TAF1B: variants seen among roughly 807,000 people sequenced by gnomAD.
TAF1B encodes the protein TATA box-binding protein-associated factor RNA polymerase I subunit B.
A neutral mutation model predicts 83.9 loss-of-function variants in TAF1B; 61 were observed. The observed-to-expected ratio is 0.73, with a 90% confidence interval of 0.59 to 0.90. The LOEUF (loss-of-function observed/expected upper bound fraction) is 0.90, where lower values mean the gene tolerates loss of function less well. TAF1B is among the 40% of genes least tolerant of loss of function. TAF1B has a pLI of 0.00. For missense variants in TAF1B, 625 were observed against 677.0 expected, an observed-to-expected ratio of 0.92 and a Z score of 0.85; for synonymous variants, 221 against 224.6, an observed-to-expected ratio of 0.98 and a Z score of 0.14.
intron 2 of TAF1B, chr2:9,846,244 GATTGTCAT>G: frequency 2.5e-6 from 1 of 401,170 alleles, no homozygotes; most frequent in East Asian, 7.1e-5. Flanking sequence ...TTAAAGTAGA[GATTGTCAT>G]ATTGTCCTGT....
In TAF1B at chr2:9,882,756, C is replaced by T. The variant is rs1473646307; in HGVS notation, c.758C>T (p.Pro253Leu). 3 of 1,611,218 alleles carry T rather than the reference C, an allele frequency of 1.9e-6. No homozygotes were observed. The highest frequency in any genetic ancestry group is 1.7e-5 in the Admixed American group (1 of 59,732). Reference protein sequence around the residue: ...IPYINAFQHFPEQMKLYGRDR... With the variant: ...IPYINAFQHFLEQMKLYGRDR... ...TACATAAATGCTTTTCAGCATTTTC[C>T]AGAACAGATGAAATTATATGGACGT... The change falls in exon 8 of 15, where the codon CCA (proline) becomes CTA (leucine). Residue 253 changes from proline to leucine, a missense_variant. Pro to Leu is a moderately conservative substitution (Grantham distance 98). Coordinates refer to ENST00000263663, the MANE Select transcript of TAF1B (RefSeq NM_005680.3).
chr2:9,853,032 A>G (rs186491316), intron 4 of TAF1B, among the ~76,000 whole-genome samples: 74 of 152,342 alleles, frequency 4.9e-4, no homozygotes, highest in Non-Finnish European at 9.4e-4. Flanking sequence ...TAGTCATTGC[A>G]TTAGGTATGA....
chr2:9,878,118 A>C (rs1349865838), intron 7 of TAF1B, among the ~76,000 whole-genome samples: 1 of 152,098 alleles, frequency 6.6e-6, no homozygotes, highest in East Asian at 1.9e-4. Context: ...CTGGTTCGAA[A>C]TGTGAATTCT....
chr2:9,859,799 C>A (rs891995884), intron 5 of TAF1B, among the ~76,000 whole-genome samples: 5 of 152,204 alleles, frequency 3.3e-5, no homozygotes, highest in Admixed American at 6.5e-5. Context: ...CTGCTTGTTA[C>A]CCAGTTCCAA....
Position 9,860,017 on chromosome 2 carries a change from G to A in TAF1B, c.399+5596G>A, listed in dbSNP as rs113701949. 3.8e-3 allele frequency among the ~76,000 whole-genome samples: 573 copies of A among 152,336 alleles called. 5 individuals are homozygous for A. Among genetic ancestry groups the A allele is most frequent in the African/African-American group, 0.013 (535 of 41,578 alleles). ...TGGTGGAAAGCAAAGGTGAAGCAAG[G>A]CATGTCTTCCATGGCAGCAAGAGAG... On this transcript the variant is annotated intron_variant, in intron 5 of 14. Transcript: ENST00000263663.
At chr2:9,889,670 G>A (rs1351995740) in intron 8 of TAF1B, among the ~76,000 whole-genome samples, 3 of 151,990 alleles carry the variant, frequency 2.0e-5, no homozygotes, top group African/African-American at 2.4e-5. Context: ...TAATTTTTAT[G>A]TTGTAGAGTG....
At chr2:9,863,474 T>A (rs571065256) in intron 5 of TAF1B, among the ~76,000 whole-genome samples, 1 of 152,220 alleles carries the variant, frequency 6.6e-6, no homozygotes, top group East Asian at 1.9e-4. Context: ...ACAAAGAGAC[T>A]TAGACTCCCA....
At chr2:9,872,971 A>G (rs1401262267) in intron 6 of TAF1B, among the ~76,000 whole-genome samples, 1 of 152,200 alleles carries the variant, frequency 6.6e-6, no homozygotes, top group Non-Finnish European at 1.5e-5. Context: ...TTTGTAGTAT[A>G]CCATTGCATG....
intron 8 of TAF1B, among the ~76,000 whole-genome samples, chr2:9,903,852 A>AT (rs1332830844): frequency 6.6e-6 from 1 of 152,172 alleles, no homozygotes; most frequent in East Asian, 1.9e-4. Flanking sequence ...AGAAGTAGTG[A>AT]TTTTACCATA....
chr2:9,869,222 G>T (rs530713641), intron 6 of TAF1B, among the ~76,000 whole-genome samples: 25 of 150,626 alleles, frequency 1.7e-4, no homozygotes, highest in African/African-American at 4.4e-4. Context: ...ATTTTTTTTT[G>T]TTTTGTTTTG....
At chr2:9,928,111 T>C (rs1375178693) in intron 14 of TAF1B, among the ~76,000 whole-genome samples, 1 of 152,226 alleles carries the variant, frequency 6.6e-6, no homozygotes, top group Non-Finnish European at 1.5e-5. Flanking sequence ...CACCGTTTAT[T>C]AAATAGGGAA....
At chr2:9,861,976 T>C (rs1263242969) in intron 5 of TAF1B, among the ~76,000 whole-genome samples, 1 of 152,018 alleles carries the variant, frequency 6.6e-6, no homozygotes, top group East Asian at 1.9e-4. Context: ...CAAAGGTAGA[T>C]AAAACCACAA....
rs1468672942 is a variant in TAF1B, at chr2:9,854,331, T to C, written c.309T>C (p.Asp103=). ...TCATTTCCCTTCCACCTTAGAACGATGTTTTACATAATTTTTGGAAGCGCT... is the reference window on the plus strand; with the variant it reads ...TCATTTCCCTTCCACCTTAGAACGACGTTTTACATAATTTTTGGAAGCGCT... ...NLGVGPELKN[D]VLHNFWKRYL... is the part of the protein sequence containing the mutation. Residue 103 remains aspartate, a synonymous_variant, in exon 5 of 15, where the codon GAT becomes GAC. Coordinates refer to ENST00000263663, the MANE Select transcript of TAF1B (RefSeq NM_005680.3). The C allele has an allele frequency of 3.1e-6, 5 of 1,613,770 alleles. No homozygotes were observed. The highest frequency in any genetic ancestry group is 1.3e-5 in the African/African-American group (1 of 75,046).
intron 2 of TAF1B, among the ~76,000 whole-genome samples, chr2:9,849,012 A>G (rs1572210085): frequency 6.6e-6 from 1 of 152,368 alleles, no homozygotes; most frequent in East Asian, 1.9e-4. Context: ...TACAAAAAAT[A>G]CATAAAACTG....
intron 8 of TAF1B, among the ~76,000 whole-genome samples, chr2:9,888,786 C>T: frequency 1.9e-5 from 1 of 52,676 alleles, no homozygotes; most frequent in African/African-American, 7.9e-5. Flanking sequence ...GTTTCTTCTG[C>T]TTGGTTTTTT....
Position 9,933,900 on chromosome 2 carries a change from G to A in TAF1B, c.1683G>A (p.Val561=), listed in dbSNP as rs1447048387. 2.5e-6 allele frequency: 4 copies of A among 1,613,766 alleles called. No individual in the cohort carries two copies. Among genetic ancestry groups the A allele is most frequent in the Non-Finnish European group, 3.4e-6 (4 of 1,179,824 alleles). Reference sequence around the variant, plus strand: ...AGACTTCCCTTCTCCATGAAGAAGTGAGCTTAGTTGAGAAGAAACTTTTTG... The same window carrying A: ...AGACTTCCCTTCTCCATGAAGAAGTAAGCTTAGTTGAGAAGAAACTTTTTG... The part of the protein sequence containing the change: ...RIKTSLLHEE[V]SLVEKKLFEK... Residue 561 remains valine, a synonymous_variant, in exon 15 of 15, where the codon GTG becomes GTA. Coordinates refer to ENST00000263663, the MANE Select transcript of TAF1B (RefSeq NM_005680.3).
At chr2:9,880,382 T>C in intron 7 of TAF1B, among the ~76,000 whole-genome samples, 1 of 147,976 alleles carries the variant, frequency 6.8e-6, no homozygotes, top group East Asian at 2.0e-4. Flanking sequence ...TAGCTGATAA[T>C]ACCTAGGAAG....
rs746361667 is a variant in TAF1B, at chr2:9,910,758, C to A, written c.978C>A (p.Cys326Ter). 1 of 1,610,794 alleles carries A rather than the reference C, an allele frequency of 6.2e-7. No homozygotes were observed. Among genetic ancestry groups the A allele is most frequent in the Non-Finnish European group, 8.5e-7 (1 of 1,178,422 alleles). ...CAGATGAAATGCATAGCTTAACTTG[C>A]CACGTGGTAAAAATGACTGGAATGG... ...NLPDEMHSLT[C>*]HVVKMTGMGE... Residue 326 changes from cysteine to a stop codon, truncating the protein, a stop_gained, in exon 10 of 15, where the codon TGC becomes TGA. Transcript: ENST00000263663. LOFTEE classifies it high-confidence loss of function.
At chr2:9,930,368 T>A (rs1035070409) in intron 14 of TAF1B, among the ~76,000 whole-genome samples, 6 of 152,254 alleles carry the variant, frequency 3.9e-5, no homozygotes, top group African/African-American at 1.4e-4. Context: ...GAGATTCTGG[T>A]ATGTTGTGTC....
Sources: allele counts gnomAD v4.1 joint callset (sites outside exome capture counted in the v4.1 genomes callset), GRCh38; gene constraint gnomAD v4.1.1; transcripts MANE v1.5; gene names NCBI Gene and HGNC (gene_info 2026-07-23, HGNC 2026-07-21).